Variants in SOX6 observed in about 807,000 individuals in gnomAD.
SOX6 encodes SRY-box transcription factor 6.
SOX6 carries 11 observed loss-of-function variants against 97.8 expected under a neutral mutation model. The observed-to-expected ratio is 0.11, with a 90% CI of 0.07 to 0.19. SOX6 has a LOEUF of 0.19. Among genes scored for constraint, SOX6 ranks in the 10% least tolerant of loss-of-function variants. The probability of loss-of-function intolerance (pLI) is 1.00; values close to 1 mark genes in which losing one functional copy is unlikely to be tolerated. For missense variants in SOX6, 810 were observed against 1,039.5 expected (o/e 0.78, Z 3.04); for synonymous variants, 360 against 371.4 (o/e 0.97, Z 0.35).
chr11:16,520,197 TTTAA>T (rs1191921550), intron 4 of SOX6, among the ~76,000 whole-genome samples: 1 of 152,248 alleles, frequency 6.6e-6, no homozygotes, highest in Non-Finnish European at 1.5e-5. Flanking sequence ...AGCTCTTTAG[TTTAA>T]TTAAGTTCCA....
rs140508514 is a variant in SOX6, at chr11:16,610,071, T to C, written n.609+2010A>G. 7.5e-3 allele frequency among the ~76,000 whole-genome samples: 1,138 copies of C among 152,268 alleles called. 10 individuals carry two copies. Among genetic ancestry groups the C allele is most frequent in the African/African-American group, 0.026 (1,087 of 41,558 alleles). Reference sequence around the variant, plus strand: ...AGGGGCAAGCTCAGACTGGTGTTTCTAGCCCAGACAGGAGTCAGATCTCCC... The same window carrying C: ...AGGGGCAAGCTCAGACTGGTGTTTCCAGCCCAGACAGGAGTCAGATCTCCC... On this transcript the variant is annotated intron_variant and non_coding_transcript_variant, in intron 4 of 5. Coordinates refer to the SOX6 transcript ENST00000524520. The surrounding 1 kb of genome is among the most constrained non-coding windows in gnomAD (Gnocchi z 4.4).
chr11:16,254,952 T>C (rs551201365), intron 3 of SOX6, among the ~76,000 whole-genome samples: 2 of 151,814 alleles, frequency 1.3e-5, no homozygotes, highest in South Asian at 2.1e-4. Context: ...TGCTAACATA[T>C]CAAAATAAGT....
intron 4 of SOX6, among the ~76,000 whole-genome samples, chr11:16,220,734 C>T (rs941278318): frequency 6.6e-5 from 10 of 152,040 alleles, no homozygotes; most frequent in African/African-American, 2.4e-4. Flanking sequence ...CTAATCTTCA[C>T]ATTAATCCTG....
intron 6 of SOX6, among the ~76,000 whole-genome samples, chr11:16,159,460 A>C (rs1398253905): frequency 1.3e-5 from 2 of 152,068 alleles, no homozygotes; most frequent in African/African-American, 4.8e-5. Context: ...CCTCCCTTTA[A>C]TATTTTTATT....
At chr11:16,374,277 G>A (rs889797213) in intron 1 of SOX6, among the ~76,000 whole-genome samples, 37 of 152,024 alleles carry the variant, frequency 2.4e-4, no homozygotes, top group African/African-American at 8.4e-4. Context: ...TATTCCAAAT[G>A]TTTTCATTGT....
chr11:16,090,686 A>G (rs1165325994), intron 9 of SOX6, among the ~76,000 whole-genome samples: 1 of 152,090 alleles, frequency 6.6e-6, no homozygotes, highest in Admixed American at 6.6e-5. Flanking sequence ...TCCACCAAAG[A>G]TGAAATGCAT....
At chr11:16,186,692 G>T in intron 5 of SOX6, 91 bp downstream of exon 5, 2 of 1,387,090 alleles carry the variant, frequency 1.4e-6, no homozygotes, top group Non-Finnish European at 2.0e-6. Flanking sequence ...TTTTAGGAAA[G>T]CTTACAACAA....
chr11:16,270,958 A>G (rs187510622), intron 3 of SOX6, among the ~76,000 whole-genome samples: 215 of 151,474 alleles, frequency 1.4e-3, no homozygotes, highest in African/African-American at 4.7e-3. Flanking sequence ...AGTTATAAAA[A>G]CTATGAATGT....
chr11:16,106,436 A>T (rs1849088121), intron 7 of SOX6, among the ~76,000 whole-genome samples: 1 of 152,042 alleles, frequency 6.6e-6, no homozygotes, highest in Non-Finnish European at 1.5e-5. Context: ...ACCTTTACAT[A>T]TATAGTTGAT....
Position 16,132,476 on chromosome 11 carries a change from GAAAGAAAGAA to G in SOX6, c.778-20563_778-20554del, listed in dbSNP as rs1849836528. On this transcript the variant is annotated intron_variant, in intron 6 of 15. Coordinates refer to ENST00000683767, the MANE Select transcript of SOX6 (RefSeq NM_001367873.1). ...AGAAAGAAAGAAAGAAAGAAAGAAA[GAAAGAAAGAA>G]AGAAAGAAAGAAAGAAAGAAAGCTT... 4.1e-5 allele frequency among the ~76,000 whole-genome samples: 6 copies of G among 146,122 alleles called. 1 individual carries two copies. Among genetic ancestry groups the G allele is most frequent in the African/African-American group, 1.5e-4 (6 of 39,644 alleles).
intron 3 of SOX6, among the ~76,000 whole-genome samples, chr11:16,672,567 C>G (rs1361181664): frequency 6.6e-6 from 1 of 152,144 alleles, no homozygotes; most frequent in African/African-American, 2.4e-5. Context: ...TGCAGGGAAA[C>G]TCCAGTTTTT....
chr11:16,242,001 C>CA (rs1224291835), intron 3 of SOX6, among the ~76,000 whole-genome samples: 1 of 151,846 alleles, frequency 6.6e-6, no homozygotes, highest in Non-Finnish European at 1.5e-5. Flanking sequence ...CTGCAAGTTG[C>CA]AACTTAAAAA....
chr11:16,122,533 T>C (rs1034242508), intron 6 of SOX6, among the ~76,000 whole-genome samples: 8 of 152,066 alleles, frequency 5.3e-5, no homozygotes, highest in African/African-American at 1.9e-4. Flanking sequence ...CAAATTCAGA[T>C]ATAAACCGTT....
intron 6 of SOX6, among the ~76,000 whole-genome samples, chr11:16,125,816 T>TAGGAAGGAAAGAAGGAAGGAAGGA (rs1849594310): frequency 1.0e-5 from 1 of 99,622 alleles, no homozygotes; most frequent in African/African-American, 3.8e-5. Flanking sequence ...AAAGAAATCA[T>TAGGAAGGAAAGAAGGAAGGAAGGA]AGGAAGGAAG....
intron 2 of SOX6, among the ~76,000 whole-genome samples, chr11:16,330,114 ATAC>A (rs1856240439): frequency 6.6e-6 from 1 of 152,154 alleles, no homozygotes; most frequent in Admixed American, 6.5e-5. Context: ...TAAACTCAAT[ATAC>A]TCAGTACTGT....
chr11:16,141,266 A>T (rs1362197674), intron 6 of SOX6, among the ~76,000 whole-genome samples: 11 of 152,200 alleles, frequency 7.2e-5, no homozygotes, highest in Admixed American at 7.2e-4. Context: ...CAAGCGAAGA[A>T]TGGAAGTGAA....
At chr11:16,485,903 A>T (rs1860419620) in intron 4 of SOX6, among the ~76,000 whole-genome samples, 1 of 97,814 alleles carries the variant, frequency 1.0e-5, no homozygotes, top group Non-Finnish European at 2.0e-5. Flanking sequence ...CAGAAAAGGG[A>T]AGGGAAGAAA....
chr11:16,196,302 A>T (rs974214717), intron 4 of SOX6, among the ~76,000 whole-genome samples: 3 of 152,214 alleles, frequency 2.0e-5, no homozygotes, highest in Non-Finnish European at 4.4e-5. Flanking sequence ...TGAGATTCAA[A>T]ATCAGAAAGT....
At chr11:16,458,421 A>T (rs370626051) in intron 1 of SOX6, among the ~76,000 whole-genome samples, 1 of 151,896 alleles carries the variant, frequency 6.6e-6, no homozygotes, top group Non-Finnish European at 1.5e-5. Context: ...TTAAAAATTT[A>T]TTTTAAAGTA....
Sources: allele counts gnomAD v4.1 joint callset (sites outside exome capture counted in the v4.1 genomes callset), GRCh38; gene constraint gnomAD v4.1.1; non-coding constraint Gnocchi (gnomAD v3.1); transcripts MANE v1.5; gene names NCBI Gene and HGNC (gene_info 2026-07-23, HGNC 2026-07-21).